Variants in RAB38 observed in about 807,000 individuals in gnomAD.
RAB38 encodes the protein ras-related protein Rab-38.
Under a neutral mutation model 18.4 loss-of-function variants are expected in RAB38, and 15 were observed. That is an observed-to-expected ratio of 0.82 (90% CI 0.55 to 1.26). The LOEUF (loss-of-function observed/expected upper bound fraction) is 1.26, where lower values mean the gene tolerates loss of function less well. Among genes scored for constraint, RAB38 ranks in the 50% most tolerant of loss-of-function variants. The pLI, the probability that RAB38 is intolerant of heterozygous loss-of-function variation, is 0.00. For synonymous variants in RAB38, 101 were observed against 104.4 expected (o/e 0.97, Z 0.20); for missense variants, 294 against 267.4 (o/e 1.10, Z -0.69).
the RAB38 span, among the ~76,000 whole-genome samples, chr11:87,894,010 G>C: frequency 1.3e-5 from 2 of 151,728 alleles, no homozygotes; most frequent in South Asian, 4.1e-4. Flanking sequence ...TTGGGTAGTA[G>C]GGACATTTTA....
intron 2 of RAB38, among the ~76,000 whole-genome samples, chr11:88,122,986 T>C (rs1480539273): frequency 3.9e-5 from 6 of 152,186 alleles, no homozygotes; most frequent in Non-Finnish European, 7.3e-5. Flanking sequence ...CTCCTTAACT[T>C]AAAAATGAGG....
chr11:87,879,797 A>C, the RAB38 span: 1 of 151,772 alleles, frequency 6.6e-6, no homozygotes, highest in Non-Finnish European at 1.5e-5. Context: ...TGGCTGTTTT[A>C]ACCATAAACA....
chr11:88,155,517 G>A (rs984023354), intron 1 of RAB38, among the ~76,000 whole-genome samples: 1 of 151,912 alleles, frequency 6.6e-6, no homozygotes, highest in South Asian at 2.1e-4. Flanking sequence ...GTATGATAGA[G>A]AAATAAAGAA....
chr11:87,973,690 C>A, the RAB38 span, among the ~76,000 whole-genome samples: 1 of 151,900 alleles, frequency 6.6e-6, no homozygotes, highest in Admixed American at 6.6e-5. Flanking sequence ...CAAAGACTGG[C>A]TACACACGTG....
At chr11:88,132,848 T>C (rs1942782453) in intron 2 of RAB38, among the ~76,000 whole-genome samples, 1 of 152,206 alleles carries the variant, frequency 6.6e-6, no homozygotes. Context: ...TTAATAGATA[T>C]TAATAATAAA....
chr11:87,964,176 T>C, the RAB38 span, among the ~76,000 whole-genome samples: 2 of 152,170 alleles, frequency 1.3e-5, no homozygotes, highest in African/African-American at 4.8e-5. Context: ...AGTGTGTCTA[T>C]AGGTCAGCTG....
chr11:87,874,147 A>T, the RAB38 span, among the ~76,000 whole-genome samples: 5 of 150,918 alleles, frequency 3.3e-5, no homozygotes, highest in Non-Finnish European at 5.9e-5. Context: ...TCATAGAGAA[A>T]TTTTTTTATG....
the RAB38 span, among the ~76,000 whole-genome samples, chr11:87,847,762 A>T: frequency 1.0e-3 from 155 of 152,198 alleles, no homozygotes; most frequent in African/African-American, 3.6e-3. Flanking sequence ...AGCAGCCACA[A>T]ATCAAGCGGG....
the RAB38 span, among the ~76,000 whole-genome samples, chr11:88,048,951 G>C: frequency 6.6e-6 from 1 of 152,074 alleles, no homozygotes; most frequent in African/African-American, 2.4e-5. Flanking sequence ...ATTCCGTTTA[G>C]TTTTTCAATT....
At chr11:87,931,436 C>T in the RAB38 span, among the ~76,000 whole-genome samples, 1 of 151,920 alleles carries the variant, frequency 6.6e-6, no homozygotes, top group African/African-American at 2.4e-5. Context: ...ATGCTTTGCA[C>T]TAGGTTGGGA....
chr11:87,928,035 A>G, the RAB38 span, among the ~76,000 whole-genome samples: 7 of 152,114 alleles, frequency 4.6e-5, no homozygotes, highest in Admixed American at 3.9e-4. Context: ...CTATGATTGT[A>G]TCACTGCATT....
the RAB38 span, among the ~76,000 whole-genome samples, chr11:88,063,448 G>T: frequency 1.3e-5 from 2 of 152,150 alleles, no homozygotes; most frequent in South Asian, 4.1e-4. Context: ...AAAAATGCAT[G>T]AAGAGAAACT....
the RAB38 span, among the ~76,000 whole-genome samples, chr11:87,875,607 T>C: frequency 6.6e-6 from 1 of 151,518 alleles, no homozygotes; most frequent in Non-Finnish European, 1.5e-5. Flanking sequence ...AGTTGATGAA[T>C]ATAGCATTTT....
chr11:88,161,658 G>A (rs928969592), intron 1 of RAB38, among the ~76,000 whole-genome samples: 3 of 152,016 alleles, frequency 2.0e-5, no homozygotes, highest in Admixed American at 6.6e-5. Flanking sequence ...GCCTTATCAT[G>A]TATTTGTGAA....
At chr11:88,044,671 A>G in the RAB38 span, among the ~76,000 whole-genome samples, 1 of 152,026 alleles carries the variant, frequency 6.6e-6, no homozygotes, top group African/African-American at 2.4e-5. Context: ...TCTTTTATAC[A>G]TTGTTCCCTC....
the RAB38 span, among the ~76,000 whole-genome samples, chr11:87,909,802 C>A: frequency 6.6e-6 from 1 of 152,030 alleles, no homozygotes; most frequent in Non-Finnish European, 1.5e-5. Flanking sequence ...TTGGCTTATT[C>A]ATTACACTGT....
chr11:88,052,935 T>TATTTCATATATATATATATATATC, the RAB38 span, among the ~76,000 whole-genome samples: 474 of 85,778 alleles, frequency 5.5e-3, 21 homozygotes, highest in Non-Finnish European at 7.4e-3. Context: ...TATATATATA[T>TATTTCATATATATATATATATATC]ATATATATAA....
chr11:88,120,051 TC>T (rs1014872092), intron 2 of RAB38, among the ~76,000 whole-genome samples: 1 of 152,216 alleles, frequency 6.6e-6, no homozygotes, highest in African/African-American at 2.4e-5. Context: ...ACTTCTGTCC[TC>T]CCTTGTCCCT....
chr11:88,033,165 G>A, the RAB38 span, among the ~76,000 whole-genome samples: 2 of 151,944 alleles, frequency 1.3e-5, no homozygotes, highest in Non-Finnish European at 2.9e-5. Flanking sequence ...CTCATAGGTG[G>A]GAACTGAACA....
Sources: gnomAD v4.1 joint callset for allele counts (sites outside exome capture counted in the v4.1 genomes callset) on GRCh38, gnomAD v4.1.1 for gene constraint, MANE v1.5 for transcripts, NCBI Gene and HGNC (gene_info 2026-07-23, HGNC 2026-07-21) for gene names.